ICE2: variants seen among roughly 807,000 people sequenced by gnomAD.
The protein encoded by ICE2 is interactor of little elongation complex ELL subunit 2.
ICE2 carries 87 observed loss-of-function variants against 105.4 expected under a neutral mutation model. The observed-to-expected ratio is 0.83, with a 90% CI of 0.69 to 0.99. The LOEUF (loss-of-function observed/expected upper bound fraction) is 0.99, where lower values mean the gene tolerates loss of function less well. Ranked by LOEUF, ICE2 falls within the 50% of genes least tolerant of loss-of-function variation. The pLI is 0.00. For synonymous variants in ICE2, 399 were observed against 392.0 expected, an observed-to-expected ratio of 1.02 and a Z score of -0.21; for missense variants, 1,323 against 1,146.7, an observed-to-expected ratio of 1.15 and a Z score of -2.22.
chr15:60,439,519 T>G (rs1311136061), intron 12 of ICE2: 1 of 152,336 alleles, frequency 6.6e-6, no homozygotes, highest in East Asian at 1.9e-4. Context: ...TAGCTGGGAC[T>G]ACAGGCGCAT....
chr15:60,428,837 A>C (rs753889998), intron 14 of ICE2, 150 bp from the exon 15 acceptor site: 5 of 844,566 alleles, frequency 5.9e-6, no homozygotes, highest in Non-Finnish European at 8.7e-6. Context: ...GATTTAAGAA[A>C]TCTTTAAAAC....
intron 9 of ICE2, 82 bp downstream of exon 9, chr15:60,453,521 T>A: frequency 1.9e-6 from 3 of 1,555,562 alleles, no homozygotes; most frequent in Non-Finnish European, 2.6e-6. Context: ...ACTACTAGGT[T>A]TAGGGATTTG....
At chr15:60,429,344 G>A (rs1445254089) in intron 14 of ICE2, among the ~76,000 whole-genome samples, 1 of 152,196 alleles carries the variant, frequency 6.6e-6, no homozygotes, top group Non-Finnish European at 1.5e-5. Context: ...AATTAGAGAT[G>A]CTAAGCAATT....
chr15:60,476,850 C>T (rs968958043), intron 2 of ICE2, among the ~76,000 whole-genome samples: 1 of 152,128 alleles, frequency 6.6e-6, no homozygotes, highest in African/African-American at 2.4e-5. Flanking sequence ...AGTAAAATTC[C>T]GTGGAAAAGG....
intron 15 of ICE2, among the ~76,000 whole-genome samples, chr15:60,428,115 A>C (rs1595737370): frequency 6.6e-6 from 1 of 152,216 alleles, no homozygotes. Flanking sequence ...AAAATTACAA[A>C]AAACCCCACA....
intron 15 of ICE2, among the ~76,000 whole-genome samples, chr15:60,425,849 C>G (rs1329397557): frequency 6.6e-6 from 1 of 152,178 alleles, no homozygotes; most frequent in African/African-American, 2.4e-5. Flanking sequence ...AAGGCCCAAT[C>G]CCATGGCCTA....
In ICE2 at chr15:60,456,662, C is replaced by T. The variant is rs778059018; in HGVS notation, c.661G>A (p.Ala221Thr). ...CGTCTGATAATAAACCTTACCAATG[C>T]GAGAAGAGTTTTTTCTAACTTTAAT... ...MGLKLEKTLLALGSVKYVKTV... is the reference protein window; with the variant it reads ...MGLKLEKTLLTLGSVKYVKTV... The change falls in exon 6 of 16, where the codon GCA becomes ACA. Residue 221 changes from alanine (A) to threonine (T), a missense_variant. Physicochemically the swap from Ala to Thr is moderately conservative, Grantham distance 58 (BLOSUM62 0). Transcript: ENST00000261520. 1.5e-5 allele frequency: 24 copies of T among 1,572,886 alleles called. No homozygotes were observed. Among genetic ancestry groups the T allele is most frequent in the South Asian group, 1.0e-4 (9 of 86,326 alleles).
chr15:60,446,215 G>A (rs1280661446), intron 11 of ICE2, among the ~76,000 whole-genome samples: 1 of 152,102 alleles, frequency 6.6e-6, no homozygotes, highest in Non-Finnish European at 1.5e-5. Context: ...AAGAATTTAG[G>A]ACTTTATAAT....
At chr15:60,427,811 G>T (rs1405993409) in intron 15 of ICE2, among the ~76,000 whole-genome samples, 1 of 152,208 alleles carries the variant, frequency 6.6e-6, no homozygotes, top group African/African-American at 2.4e-5. Context: ...CTAGCTATGG[G>T]TTTATAAGCT....
rs2064018969 is a variant in ICE2 at position 60,453,567 on chromosome 15, ACATTCCCCTTAGGGGAAAAAAAAAG to A, written c.1125+11_1125+35del. ...TTATGCTTCAAAAGGATAAACAAGT[ACATTCCCCTTAGGGGAAAAAAAAAG>A]CATTACATACGTCCATTTCAGATAT... On this transcript the variant is annotated intron_variant, in intron 9 of 15. Transcript: ENST00000261520. The A allele has an allele frequency of 6.2e-7, 1 of 1,603,736 alleles. No homozygotes were observed. The highest frequency in any genetic ancestry group is 8.5e-7 in the Non-Finnish European group (1 of 1,176,872).
At chr15:60,455,524 TCTTAA>T in intron 6 of ICE2, 82 bp from the exon 7 acceptor site, 1 of 826,956 alleles carries the variant, frequency 1.2e-6, no homozygotes, top group Non-Finnish European at 2.0e-6. Flanking sequence ...CATATGAAAC[TCTTAA>T]CTTGAACTTT....
chr15:60,456,715 C>T lies in ICE2; in HGVS notation c.608G>A (p.Gly203Glu), dbSNP rs763587995. The T allele has an allele frequency of 2.5e-6, 4 of 1,596,838 alleles. No individual in the cohort carries two copies. Among genetic ancestry groups the T allele is most frequent in the Non-Finnish European group, 3.4e-6 (4 of 1,170,710 alleles). The change falls in exon 6 of 16, where the codon GGA becomes GAA. Residue 203 changes from glycine (G) to glutamate (E), a missense_variant. Gly to Glu is a moderately conservative substitution (Grantham distance 98, BLOSUM62 -2). Transcript: ENST00000261520. ...CATCTCTACTCTGAATGGGAAGAAT[C>T]CCATTAAGCTGGTGACCTCGTGGAG... is the stretch of plus-strand genomic sequence containing the variant. ...YTLHEVTSLM[G>E]FFPFRVEMGL...
At position 60,419,986 on chromosome 15, in the gene ICE2, A is replaced by G. The variant is rs1239005241; in HGVS notation, c.*3648T>C. ...CCTTCAGATGACTGCAGCCCTAGCC[A>G]AGAGCCTGACTGCAACTTCATGAGA... On this transcript the variant is annotated 3_prime_UTR_variant, in exon 16 of 16. Transcript: ENST00000261520. 1 of 152,338 alleles carries G rather than the reference A, an allele frequency of 6.6e-6. No homozygotes were observed. Among genetic ancestry groups the G allele is most frequent in the East Asian group, 1.9e-4 (1 of 5,188 alleles). 9.4% of individuals were successfully genotyped at this position (152,338 alleles called of 1,614,324 possible).
chr15:60,462,534 T>C (rs1266950869), intron 5 of ICE2, among the ~76,000 whole-genome samples: 1 of 152,190 alleles, frequency 6.6e-6, no homozygotes, highest in African/African-American at 2.4e-5. Flanking sequence ...TATACAATTT[T>C]AACTTGTCAA....
At chr15:60,434,164 T>C (rs917072039) in intron 13 of ICE2, among the ~76,000 whole-genome samples, 1 of 152,232 alleles carries the variant, frequency 6.6e-6, no homozygotes, top group African/African-American at 2.4e-5. Flanking sequence ...CAGCCTTTCC[T>C]AGAAGTTGTG....
At chr15:60,456,836 A>G in intron 5 of ICE2, 42 bp from the exon 6 acceptor site, 2 of 1,313,206 alleles carry the variant, frequency 1.5e-6, no homozygotes, top group Non-Finnish European at 2.0e-6. Context: ...GTATTTCTCT[A>G]ATAATGCAAA....
At chr15:60,452,546 T>C (rs188098516) in intron 9 of ICE2, 1 of 156,990 alleles carries the variant, frequency 6.4e-6, no homozygotes, top group Admixed American at 6.5e-5. Flanking sequence ...AAACAGGTTT[T>C]GTTTTTATTC....
intron 5 of ICE2, among the ~76,000 whole-genome samples, chr15:60,461,312 T>C (rs79159359): frequency 0.021 from 3,221 of 152,238 alleles, 120 homozygotes; most frequent in African/African-American, 0.069. Context: ...TTGTATATAA[T>C]GGAGTTGTAT....
intron 13 of ICE2, among the ~76,000 whole-genome samples, chr15:60,435,298 A>T (rs1030316563): frequency 4.8e-5 from 7 of 144,940 alleles, no homozygotes; most frequent in Admixed American, 3.4e-4. Flanking sequence ...AAAACAAAAC[A>T]AAACAAAAAT....
Sources: allele counts gnomAD v4.1 joint callset (sites outside exome capture counted in the v4.1 genomes callset), GRCh38; gene constraint gnomAD v4.1.1; transcripts MANE v1.5; gene names NCBI Gene and HGNC (gene_info 2026-07-23, HGNC 2026-07-21).